Variants in TAF4 observed in about 807,000 individuals in gnomAD.
TAF4 encodes the protein transcription initiation factor TFIID subunit 4.
A neutral mutation model predicts 90.3 loss-of-function variants in TAF4; 9 were observed. The ratio of observed to expected loss-of-function variants is 0.10; its 90% CI spans 0.06 to 0.17. TAF4 has a LOEUF of 0.17. Ranked by LOEUF, TAF4 falls within the 10% of genes least tolerant of loss-of-function variation. The pLI is 1.00. For missense variants in TAF4, 1,351 were observed against 1,370.7 expected, an observed-to-expected ratio of 0.99 and a Z score of 0.23; for synonymous variants, 818 against 638.9, an observed-to-expected ratio of 1.28 and a Z score of -4.23.
intron 1 of TAF4, among the ~76,000 whole-genome samples, chr20:62,050,664 C>A (rs550486358): frequency 6.6e-6 from 1 of 152,218 alleles, no homozygotes; most frequent in African/African-American, 2.4e-5. Flanking sequence ...GGCTCCGGAA[C>A]AGCAGAGGCC....
chr20:62,004,329 T>TTTTTC (rs1555875086), intron 7 of TAF4, among the ~76,000 whole-genome samples: 2 of 30,702 alleles, frequency 6.5e-5, no homozygotes, highest in South Asian at 1.3e-3. Flanking sequence ...TTTTCTTTTC[T>TTTTTC]TTTTTTTTTT....
At chr20:61,977,039 C>G (rs756294263) in intron 14 of TAF4, among the ~76,000 whole-genome samples, 7 of 152,092 alleles carry the variant, frequency 4.6e-5, no homozygotes, top group Non-Finnish European at 1.0e-4. Context: ...CAGCAGGGCA[C>G]GCGCCACACA....
chr20:62,064,804 G>A lies in TAF4; in HGVS notation c.1007C>T (p.Ala336Val), dbSNP rs866955560. 2.1e-5 allele frequency: 21 copies of A among 995,928 alleles called. No individual in the cohort carries two copies. The African/African-American group carries it at 3.0e-4, about 14-fold the overall frequency. 61.7% of individuals were successfully genotyped at this position (995,928 alleles called of 1,614,324 possible). A position where few individuals can be genotyped will look rare whatever the true frequency, so the allele number is the denominator to read the frequency against. Reference sequence around the variant, plus strand: ...GGCCTTGACCCCCGGCGCCGGCGCCGCAGCCGCCGCGCCGGGCCCGGGTTG... The same window carrying A: ...GGCCTTGACCCCCGGCGCCGGCGCCACAGCCGCCGCGCCGGGCCCGGGTTG... ...SGQPGPGAAA[A>V]APAPGVKAES... The change falls in exon 1 of 15, where the codon GCG (alanine) becomes GTG (valine). Residue 336 changes from alanine (A) to valine (V), a missense_variant. Transcript: ENST00000252996.
chr20:62,051,759 C>T lies in TAF4; in HGVS notation c.1360+12692G>A, dbSNP rs554777935. Among the ~76,000 whole-genome samples the T allele has an allele frequency of 2.0e-4, 30 of 152,330 alleles. No individual in the cohort carries two copies. In the East Asian group the frequency reaches 3.5e-3, roughly 18 times the overall value. ...GAACCTCATGGCAGGTGGCCTGTGGCCCTCAACGCTGCCCCTGCCAAGCCT... is the reference window on the plus strand; with the variant it reads ...GAACCTCATGGCAGGTGGCCTGTGGTCCTCAACGCTGCCCCTGCCAAGCCT... On this transcript the variant is annotated intron_variant, in intron 1 of 14. Transcript: ENST00000252996.
chr20:61,983,515 A>G (rs2055563464), intron 14 of TAF4, among the ~76,000 whole-genome samples: 1 of 152,102 alleles, frequency 6.6e-6, no homozygotes, highest in Non-Finnish European at 1.5e-5. Flanking sequence ...TTTAAAAATT[A>G]GTCAGATGCG....
intron 1 of TAF4, among the ~76,000 whole-genome samples, chr20:62,024,540 T>C (rs2055863958): frequency 6.6e-6 from 1 of 152,122 alleles, no homozygotes; most frequent in Non-Finnish European, 1.5e-5. Context: ...AGGGCTTGGA[T>C]CCAGAATGTA....
intron 1 of TAF4, among the ~76,000 whole-genome samples, chr20:62,054,468 C>T (rs1320552777): frequency 1.3e-5 from 2 of 152,196 alleles, no homozygotes; most frequent in Non-Finnish European, 2.9e-5. Context: ...GCCATCGCTG[C>T]GCTGGAGGCC....
At position 62,065,149 on chromosome 20, in the gene TAF4, C is replaced by A; in HGVS notation, c.662G>T (p.Gly221Val). The A allele has an allele frequency of 8.4e-7, 1 of 1,195,154 alleles. No individual in the cohort carries two copies. Among genetic ancestry groups the A allele is most frequent in the Non-Finnish European group, 1.1e-6 (1 of 941,264 alleles). 74.0% of individuals were successfully genotyped at this position (1,195,154 alleles called of 1,614,324 possible). A position where few individuals can be genotyped will look rare whatever the true frequency, so the allele number is the denominator to read the frequency against. Residue 221 changes from glycine (G) to valine (V), a missense_variant, in exon 1 of 15, where the codon GGG becomes GTG. This residue lies in a region of TAF4 where 782 missense variants were observed against 536.6 expected (regional missense o/e 1.46). Coordinates refer to ENST00000252996, the MANE Select transcript of TAF4 (RefSeq NM_003185.4). Reference sequence around the variant, plus strand: ...GGGCAGCGGCAGCAGCGCGGCGGGCCCGTTGTTGACCAGGCTGACAGCAGG... The same window carrying A: ...GGGCAGCGGCAGCAGCGCGGCGGGCACGTTGTTGACCAGGCTGACAGCAGG... Reference protein sequence around the residue: ...AAPAVSLVNNGPAALLPLPKP... With the variant: ...AAPAVSLVNNVPAALLPLPKP...
intron 9 of TAF4, 50 bp downstream of exon 9, chr20:62,003,110 C>A (rs1462244141): frequency 1.3e-6 from 2 of 1,529,008 alleles, no homozygotes; most frequent in Admixed American, 1.7e-5. Flanking sequence ...ACTCTGGACT[C>A]TTCTCCGCTC....
rs1255162724 is a variant in TAF4, at chr20:61,975,132, TAGAA to T, written c.*1032_*1035del. The stretch of plus-strand genomic sequence containing the variant: ...AATTTCATACAATAACCTCTGAAAA[TAGAA>T]AGAACCAATTAGTATATTTGTAATA... On this transcript the variant is annotated 3_prime_UTR_variant, in exon 15 of 15. Transcript: ENST00000252996. 1 of 152,190 alleles carries T rather than the reference TAGAA, an allele frequency of 6.6e-6. No homozygotes were observed. 9.4% of individuals were successfully genotyped at this position (152,190 alleles called of 1,614,324 possible).
chr20:62,011,772 C>T (rs1387136396), intron 3 of TAF4, among the ~76,000 whole-genome samples: 4 of 152,258 alleles, frequency 2.6e-5, no homozygotes, highest in African/African-American at 9.6e-5. Flanking sequence ...CTGGATCTCT[C>T]TGCAGAGCGT....
At chr20:62,031,828 C>T (rs2055906032) in intron 1 of TAF4, among the ~76,000 whole-genome samples, 1 of 152,172 alleles carries the variant, frequency 6.6e-6, no homozygotes, top group Non-Finnish European at 1.5e-5. Context: ...GGGCATGCAG[C>T]CCCTGGCACC....
At chr20:62,021,896 G>C (rs954362944) in intron 1 of TAF4, among the ~76,000 whole-genome samples, 1 of 152,194 alleles carries the variant, frequency 6.6e-6, no homozygotes, top group African/African-American at 2.4e-5. Flanking sequence ...GAGGCACTGT[G>C]TGCAGTGGCC....
chr20:62,021,149 C>T (rs373853234), intron 1 of TAF4, among the ~76,000 whole-genome samples: 35 of 152,284 alleles, frequency 2.3e-4, no homozygotes, highest in Non-Finnish European at 4.0e-4. Context: ...TGGAACTCAA[C>T]GCCAGGCCAA....
intron 1 of TAF4, among the ~76,000 whole-genome samples, chr20:62,017,211 CA>C (rs1370300219): frequency 1.3e-5 from 2 of 151,964 alleles, no homozygotes; most frequent in East Asian, 3.9e-4. Flanking sequence ...CTTAAGTGCA[CA>C]CATGGGAATG....
At chr20:62,057,099 C>T (rs1394259174) in intron 1 of TAF4, among the ~76,000 whole-genome samples, 1 of 152,210 alleles carries the variant, frequency 6.6e-6, no homozygotes, top group African/African-American at 2.4e-5. Context: ...CATTGTCCCA[C>T]ACACTTTACT....
chr20:62,024,551 T>G (rs888382258), intron 1 of TAF4, among the ~76,000 whole-genome samples: 1 of 152,334 alleles, frequency 6.6e-6, no homozygotes, highest in South Asian at 2.1e-4. Flanking sequence ...CCAGAATGTA[T>G]GCAGAATCCT....
At chr20:62,043,673 A>G (rs1025980080) in intron 1 of TAF4, among the ~76,000 whole-genome samples, 2 of 152,138 alleles carry the variant, frequency 1.3e-5, no homozygotes, top group African/African-American at 2.4e-5. Flanking sequence ...GTTTAGATAC[A>G]CAAACTCACT....
rs1419856159 is a variant in TAF4, at chr20:62,065,065, G to A, written c.746C>T (p.Pro249Leu). ...QTPPFVGAAA[P>L]PAPAAPSPPA... ...GGGCGAGGGCGCGGCGGGCGCGGGGGGCGCGGCGGCGCCCACGAAGGGGGG... is the reference window on the plus strand; with the variant it reads ...GGGCGAGGGCGCGGCGGGCGCGGGGAGCGCGGCGGCGCCCACGAAGGGGGG... Residue 249 changes from proline to leucine, a missense_variant, in exon 1 of 15, where the codon CCC (proline) becomes CTC (leucine). Pro to Leu is a moderately conservative substitution (Grantham distance 98, BLOSUM62 -3). This residue lies in a region of TAF4 where 782 missense variants were observed against 536.6 expected (regional missense o/e 1.46). Coordinates refer to ENST00000252996, the MANE Select transcript of TAF4 (RefSeq NM_003185.4). The A allele has an allele frequency of 2.1e-5, 19 of 899,362 alleles. 1 individual carries two copies. In the East Asian group the frequency reaches 2.4e-3, roughly 114 times the overall value. The allele number at this position is 899,362 out of a possible 1,614,324, so 55.7% of individuals were successfully genotyped here. A position where few individuals can be genotyped will look rare whatever the true frequency, so the allele number is the denominator to read the frequency against.
Sources: allele counts gnomAD v4.1 joint callset (sites outside exome capture counted in the v4.1 genomes callset), GRCh38; gene constraint gnomAD v4.1.1; regional missense constraint gnomAD v4.1.1; transcripts MANE v1.5; gene names NCBI Gene and HGNC (gene_info 2026-07-23, HGNC 2026-07-21).